The following AASS variants were observed in gnomAD, a reference collection of about 807,000 sequenced individuals.
AASS encodes alpha-aminoadipic semialdehyde synthase, mitochondrial.
Under a neutral mutation model 105.4 loss-of-function variants are expected in AASS, and 86 were observed. The observed-to-expected ratio is 0.82, with a 90% CI of 0.69 to 0.98. The LOEUF is 0.98. AASS is among the 50% of genes least tolerant of loss of function. The pLI is 0.00. For missense variants in AASS, 1,048 were observed against 1,143.2 expected (o/e 0.92, Z 1.20); for synonymous variants, 381 against 394.8 (o/e 0.96, Z 0.41).
chr7:122,128,973 G>A (rs563738132), intron 3 of AASS, among the ~76,000 whole-genome samples: 1 of 152,214 alleles, frequency 6.6e-6, no homozygotes, highest in South Asian at 2.1e-4. Flanking sequence ...AGCTCCTCAG[G>A]AGGCTGAGGC....
At chr7:122,084,584 G>T (rs888354428) in intron 19 of AASS, among the ~76,000 whole-genome samples, 2 of 152,030 alleles carry the variant, frequency 1.3e-5, no homozygotes, top group African/African-American at 4.8e-5. Flanking sequence ...GAAAGTAAAA[G>T]ATGCAGAGAT....
At chr7:122,090,347 A>T (rs938000486) in intron 18 of AASS, among the ~76,000 whole-genome samples, 7 of 152,248 alleles carry the variant, frequency 4.6e-5, no homozygotes, top group East Asian at 1.9e-4. Flanking sequence ...AGGAAGATTT[A>T]AAAAATCCTC....
At chr7:122,141,467 T>C (rs944870162) in intron 1 of AASS, among the ~76,000 whole-genome samples, 1 of 151,994 alleles carries the variant, frequency 6.6e-6, no homozygotes, top group Admixed American at 6.6e-5. Context: ...TGTGTATGAG[T>C]TGTGTTTTAC....
intron 6 of AASS, 64 bp downstream of exon 6, chr7:122,118,243 A>T: frequency 6.3e-7 from 1 of 1,585,190 alleles, no homozygotes; most frequent in Non-Finnish European, 8.6e-7. Flanking sequence ...ATGGCTGCCC[A>T]CATCATTTGG....
rs116061308 is a variant in AASS, at chr7:122,077,880, C to T, written c.2620G>A (p.Val874Met). 5.7e-5 allele frequency: 92 copies of T among 1,614,176 alleles called. No individual in the cohort carries two copies. Among genetic ancestry groups the T allele is most frequent in the African/African-American group, 1.1e-4 (8 of 75,042 alleles). ...GCTGCCATGGCGGTGGGTAACCCCACGGTTTTAGCCATGGCTGAAAAGCCA... is the reference window on the plus strand; with the variant it reads ...GCTGCCATGGCGGTGGGTAACCCCATGGTTTTAGCCATGGCTGAAAAGCCA... Reference protein sequence around the residue: ...INGFSAMAKTVGLPTAMAAKM... With the variant: ...INGFSAMAKTMGLPTAMAAKM... The change falls in exon 23 of 24, where the codon GTG (valine) becomes ATG (methionine). Residue 874 changes from valine to methionine, a missense_variant. By Grantham distance (21) the Val-to-Met change is conservative. Coordinates refer to ENST00000417368, the MANE Select transcript of AASS (RefSeq NM_005763.4).
At chr7:122,081,618 G>T (rs1793327048) in intron 19 of AASS, 23 bp from the exon 20 acceptor site, 3 of 1,548,578 alleles carry the variant, frequency 1.9e-6, no homozygotes, top group Non-Finnish European at 2.7e-6. Flanking sequence ...TTAATAAGCA[G>T]TATATAAAAT....
intron 6 of AASS, among the ~76,000 whole-genome samples, chr7:122,117,364 TTTC>T: frequency 6.6e-6 from 1 of 152,318 alleles, no homozygotes; most frequent in South Asian, 2.1e-4. Flanking sequence ...TGTAAAATAT[TTTC>T]TTTGAAGCAG....
chr7:122,113,746 G>T, intron 9 of AASS, 26 bp from the exon 10 acceptor site: 1 of 1,609,768 alleles, frequency 6.2e-7, no homozygotes. Flanking sequence ...ATACTTAGAT[G>T]AGAGGATGAA....
At chr7:122,135,585 G>C (rs1010841959) in intron 1 of AASS, among the ~76,000 whole-genome samples, 1 of 152,068 alleles carries the variant, frequency 6.6e-6, no homozygotes, top group Non-Finnish European at 1.5e-5. Flanking sequence ...TGAATGTAAC[G>C]GGCTTCTCTC....
At chr7:122,140,635 G>A (rs1796352265) in intron 1 of AASS, among the ~76,000 whole-genome samples, 3 of 151,756 alleles carry the variant, frequency 2.0e-5, no homozygotes, top group South Asian at 2.1e-4. Flanking sequence ...AGTTAGGAAC[G>A]TGCTCTTTGT....
At position 122,109,698 on chromosome 7, in the gene AASS, T is replaced by C. The variant is rs900985414; in HGVS notation, c.1278+3420A>G. 2.2e-4 allele frequency among the ~76,000 whole-genome samples: 32 copies of C among 148,476 alleles called. 1 individual carries two copies. Among genetic ancestry groups the C allele is most frequent in the Non-Finnish European group, 3.9e-4 (26 of 66,844 alleles). The stretch of plus-strand genomic sequence containing the variant: ...GGAAGACCTAAAACTATGAAACTAC[T>C]AGAAGAAAAAAAAAACACAGGGGAA... On this transcript the variant is annotated intron_variant, in intron 11 of 23. Coordinates refer to ENST00000417368, the MANE Select transcript of AASS (RefSeq NM_005763.4).
intron 15 of AASS, among the ~76,000 whole-genome samples, chr7:122,094,562 A>G (rs762074066): frequency 3.9e-5 from 6 of 152,172 alleles, no homozygotes; most frequent in Admixed American, 1.3e-4. Context: ...CAACTTAAAT[A>G]TTGTCATGTA....
chr7:122,083,062 G>GA (rs1562903763), intron 19 of AASS, among the ~76,000 whole-genome samples: 1 of 147,698 alleles, frequency 6.8e-6, no homozygotes, highest in Non-Finnish European at 1.5e-5. Flanking sequence ...GAGAAGAAAA[G>GA]AGAGAGAGGG....
chr7:122,082,330 A>C (rs924515221), intron 19 of AASS, among the ~76,000 whole-genome samples: 1 of 152,172 alleles, frequency 6.6e-6, no homozygotes, highest in Non-Finnish European at 1.5e-5. Context: ...TTCTTCCAGA[A>C]ACCAGGGCCT....
At chr7:122,112,373 G>T (rs755563817) in intron 11 of AASS, among the ~76,000 whole-genome samples, 1 of 152,130 alleles carries the variant, frequency 6.6e-6, no homozygotes, top group South Asian at 2.1e-4. Flanking sequence ...GAAAAAGAAA[G>T]GGTCAAAATG....
intron 11 of AASS, among the ~76,000 whole-genome samples, chr7:122,110,481 C>T (rs914087036): frequency 6.6e-6 from 1 of 151,652 alleles, no homozygotes; most frequent in African/African-American, 2.4e-5. Flanking sequence ...TTAAAACTTA[C>T]CCTTAAAACT....
chr7:122,107,227 T>A (rs545080324), intron 11 of AASS, among the ~76,000 whole-genome samples: 13 of 151,952 alleles, frequency 8.6e-5, no homozygotes, highest in Non-Finnish European at 1.6e-4. Context: ...TACTAAAAGG[T>A]CAAAACATAA....
rs919177858 is a variant in AASS at position 122,073,640 on chromosome 7, A to G, written c.*2849T>C. 1.3e-5 allele frequency among the ~76,000 whole-genome samples: 2 copies of G among 152,204 alleles called. No homozygotes were observed. Among genetic ancestry groups the G allele is most frequent in the Non-Finnish European group, 2.9e-5 (2 of 68,022 alleles). ...AGTATACAATTCAGTGGTTTTTAGT[A>G]TATTCAGAGTTGTGCCACCATTACC... On this transcript the variant is annotated 3_prime_UTR_variant, in exon 24 of 24. Coordinates refer to ENST00000417368, the MANE Select transcript of AASS (RefSeq NM_005763.4).
intron 9 of AASS, among the ~76,000 whole-genome samples, chr7:122,114,096 T>C (rs1486286728): frequency 6.6e-6 from 1 of 152,204 alleles, no homozygotes; most frequent in Non-Finnish European, 1.5e-5. Context: ...TAGTTTTACA[T>C]GTGGTTACAC....
Sources: allele counts gnomAD v4.1 joint callset (sites outside exome capture counted in the v4.1 genomes callset), GRCh38; gene constraint gnomAD v4.1.1; transcripts MANE v1.5; gene names NCBI Gene and HGNC (gene_info 2026-07-23, HGNC 2026-07-21).